RGSL1: variants seen among roughly 807,000 people sequenced by gnomAD.
RGSL1 encodes regulator of G protein signaling like 1.
Under a neutral mutation model 124.7 loss-of-function variants are expected in RGSL1, and 97 were observed. The observed-to-expected ratio is 0.78, with a 90% CI of 0.66 to 0.92. The LOEUF (loss-of-function observed/expected upper bound fraction) is 0.92. Among genes scored for constraint, RGSL1 ranks in the 40% least tolerant of loss-of-function variants. RGSL1 has a pLI of 0.00. For missense variants in RGSL1, 1,233 were observed against 1,288.4 expected, an observed-to-expected ratio of 0.96 and a Z score of 0.66; for synonymous variants, 424 against 438.1, an observed-to-expected ratio of 0.97 and a Z score of 0.40.
chr1:182,521,229 C>T (rs521431), intron 9 of RGSL1, among the ~76,000 whole-genome samples: 131,489 of 152,106 alleles, frequency 0.86, 57,157 homozygotes, highest in Non-Finnish European at 0.89. Flanking sequence ...ACTACCACAC[C>T]CAGTTAATTT....
intron 4 of RGSL1, among the ~76,000 whole-genome samples, chr1:182,463,426 G>C (rs548551051): frequency 2.0e-5 from 3 of 152,030 alleles, no homozygotes; most frequent in African/African-American, 7.2e-5. Context: ...ACTCACTTTA[G>C]AGTCAAAGAC....
intron 10 of RGSL1, among the ~76,000 whole-genome samples, chr1:182,526,470 C>G (rs1429768084): frequency 1.3e-5 from 2 of 151,626 alleles, no homozygotes; most frequent in African/African-American, 4.8e-5. Flanking sequence ...GAGTTTAACA[C>G]AAGCCTGGGC....
At chr1:182,549,590 T>G (rs1660435602) in intron 17 of RGSL1, 1 of 152,112 alleles carries the variant, frequency 6.6e-6, no homozygotes, top group Non-Finnish European at 1.5e-5. Flanking sequence ...CCTTGGGTGG[T>G]AGTGACCAGA....
At chr1:182,529,983 AT>A (rs2102266134) in intron 11 of RGSL1, among the ~76,000 whole-genome samples, 1 of 152,280 alleles carries the variant, frequency 6.6e-6, no homozygotes, top group South Asian at 2.1e-4. Context: ...TCCTTTAAAA[AT>A]GTATTTCCCC....
At chr1:182,494,043 G>A (rs1423931710) in intron 9 of RGSL1, among the ~76,000 whole-genome samples, 1 of 151,992 alleles carries the variant, frequency 6.6e-6, no homozygotes, top group African/African-American at 2.4e-5. Flanking sequence ...TTCCTCTCAT[G>A]CTCAGCTAGC....
rs150365955 is a variant in RGSL1 at position 182,558,896 on chromosome 1, C to T, written c.*166-1383C>T. On this transcript the variant is annotated intron_variant, in intron 21 of 21. Coordinates refer to ENST00000294854, the MANE Select transcript of RGSL1 (RefSeq NM_001137669.2). The stretch of plus-strand genomic sequence containing the variant: ...TTTGCTATGTAAGGTCACACATTCA[C>T]AGATTCTAGAGTTTAGAGCATGGAT... Among the ~76,000 whole-genome samples, 23 of 152,270 alleles carry T rather than the reference C, an allele frequency of 1.5e-4. No homozygotes were observed. In the East Asian group the frequency reaches 4.3e-3, roughly 28 times the overall value.
At chr1:182,526,432 C>T (rs1658745221) in intron 10 of RGSL1, among the ~76,000 whole-genome samples, 1 of 152,066 alleles carries the variant, frequency 6.6e-6, no homozygotes. Flanking sequence ...CTATGGGAAG[C>T]TGAGGTAGGC....
intron 6 of RGSL1, 82 bp downstream of exon 6, chr1:182,474,624 T>C: frequency 7.0e-7 from 1 of 1,432,398 alleles, no homozygotes; most frequent in Non-Finnish European, 9.2e-7. Context: ...TCACCTATAC[T>C]GGCTAAGTGA....
chr1:182,555,929 A>T, intron 20 of RGSL1, 95 bp from the exon 21 acceptor site: 1 of 1,166,658 alleles, frequency 8.6e-7, no homozygotes, highest in South Asian at 1.4e-5. Context: ...GGCTATTGCC[A>T]TTCCTAAAGG....
At chr1:182,535,047 GC>G (rs1253049497) in intron 14 of RGSL1, among the ~76,000 whole-genome samples, 1 of 152,066 alleles carries the variant, frequency 6.6e-6, no homozygotes, top group East Asian at 1.9e-4. Flanking sequence ...GTGACACTCA[GC>G]CTGCCACTGG....
At chr1:182,458,093 G>A (rs891666366) in intron 2 of RGSL1, among the ~76,000 whole-genome samples, 4 of 152,236 alleles carry the variant, frequency 2.6e-5, no homozygotes, top group Non-Finnish European at 5.9e-5. Context: ...TCCCAGGTTG[G>A]GGCGTGGTGG....
intron 4 of RGSL1, among the ~76,000 whole-genome samples, chr1:182,471,847 C>A (rs1466492318): frequency 1.3e-5 from 2 of 152,170 alleles, no homozygotes; most frequent in African/African-American, 4.8e-5. Context: ...AGCTCAACAA[C>A]ATTAAGTTTC....
chr1:182,499,582 T>C (rs553151681), intron 9 of RGSL1, among the ~76,000 whole-genome samples: 2 of 152,356 alleles, frequency 1.3e-5, no homozygotes, highest in East Asian at 3.9e-4. Context: ...GCATGTGAGA[T>C]GAATCTCTTG....
intron 18 of RGSL1, among the ~76,000 whole-genome samples, chr1:182,552,686 T>C (rs1660639516): frequency 6.6e-6 from 1 of 152,190 alleles, no homozygotes; most frequent in African/African-American, 2.4e-5. Context: ...GAAAGGAATG[T>C]ATTTGGCTCA....
At chr1:182,554,745 G>C in intron 20 of RGSL1, 52 bp downstream of exon 20, 1 of 1,507,160 alleles carries the variant, frequency 6.6e-7, no homozygotes, top group Non-Finnish European at 9.0e-7. Context: ...CTATGTCCAA[G>C]CATGCAATAG....
intron 17 of RGSL1, 67 bp from the exon 18 acceptor site, chr1:182,551,033 G>C (rs1660525761): frequency 9.5e-7 from 1 of 1,057,810 alleles, no homozygotes; most frequent in Non-Finnish European, 1.4e-6. Flanking sequence ...TGTTTCCCCT[G>C]TGCTCGGTGC....
chr1:182,532,664 G>T lies in RGSL1; in HGVS notation c.2367G>T (p.Lys789Asn). The T allele has an allele frequency of 6.4e-7, 1 of 1,550,572 alleles. No homozygotes were observed. Among genetic ancestry groups the T allele is most frequent in the South Asian group, 1.2e-5 (1 of 83,962 alleles). The change falls in exon 14 of 22, where the codon AAG becomes AAT. Residue 789 changes from lysine to asparagine, a missense_variant and splice_region_variant. Lys to Asn is a moderately conservative substitution (Grantham distance 94, BLOSUM62 0). Coordinates refer to ENST00000294854, the MANE Select transcript of RGSL1 (RefSeq NM_001137669.2). ...IVSTYLQESQ[K>N]KGWMRMISFI... The stretch of plus-strand genomic sequence containing the variant: ...TATACTCCTCTTTCTTTCCCCAGAA[G>T]AAAGGCTGGATGAGAATGATCAGCT...
Position 182,460,752 on chromosome 1 carries a change from A to G in RGSL1, c.301+619A>G, listed in dbSNP as rs143801235. 79 of 455,482 alleles carry G rather than the reference A, an allele frequency of 1.7e-4. No homozygotes were observed. In the East Asian group the frequency reaches 4.2e-3, roughly 24 times the overall value. 28.2% of individuals were successfully genotyped at this position (455,482 alleles called of 1,614,324 possible). On this transcript the variant is annotated intron_variant, in intron 4 of 21. Transcript: ENST00000294854. ...CAACAATTGTACTGGCAGAATCTGT[A>G]TGATGTAAATATTTTGAAACTCTAG...
At chr1:182,531,473 A>G (rs1243899738) in intron 13 of RGSL1, among the ~76,000 whole-genome samples, 1 of 152,178 alleles carries the variant, frequency 6.6e-6, no homozygotes, top group Non-Finnish European at 1.5e-5. Context: ...AAAAAAATAC[A>G]TGCCCCCTTA....
Sources: allele counts gnomAD v4.1 joint callset (sites outside exome capture counted in the v4.1 genomes callset), GRCh38; gene constraint gnomAD v4.1.1; transcripts MANE v1.5; gene names NCBI Gene and HGNC (gene_info 2026-07-23, HGNC 2026-07-21).